Variants in CMTR2 observed in about 807,000 individuals in gnomAD.
The protein encoded by CMTR2 is cap-specific mRNA (nucleoside-2'-O-)-methyltransferase 2.
CMTR2 carries 40 observed loss-of-function variants against 49.8 expected under a neutral mutation model. That is an observed-to-expected ratio of 0.80 (90% CI 0.62 to 1.04). The LOEUF is 1.04. Ranked by LOEUF, CMTR2 falls within the 50% of genes least tolerant of loss-of-function variation. CMTR2 has a pLI of 0.00. For missense variants in CMTR2, 907 were observed against 897.2 expected (o/e 1.01, Z -0.14); for synonymous variants, 326 against 315.8 (o/e 1.03, Z -0.34).
intron 2 of CMTR2, chr16:71,288,116 TACTC>T (rs2041761549): frequency 6.6e-6 from 1 of 152,232 alleles, no homozygotes; most frequent in Non-Finnish European, 1.5e-5. Context: ...ACTACTCCCT[TACTC>T]ACTACTCCAG....
rs1420049580 is a variant in CMTR2, at chr16:71,283,904, A to C, written c.2017T>G (p.Cys673Gly). The stretch of plus-strand genomic sequence containing the variant: ...CTCAGGGGATCAGAGGATGTGGGAC[A>C]AACAAAAGTGATGAATCTAAAACAA... ...HSCFRFITFV[C>G]PTSSDPLRTC... The change falls in exon 3 of 3, where the codon TGT (cysteine) becomes GGT (glycine). Residue 673 changes from cysteine to glycine, a missense_variant. Transcript: ENST00000434935. 3 of 1,614,082 alleles carry C rather than the reference A, an allele frequency of 1.9e-6. No homozygotes were observed. The highest frequency in any genetic ancestry group is 2.5e-6 in the Non-Finnish European group (3 of 1,179,942).
At position 71,283,050 on chromosome 16, in the gene CMTR2, A is replaced by T. The variant is rs182242349; in HGVS notation, c.*558T>A. ...CAATCACCTAAGGGCAATGAATGGC[A>T]TGTTATCAAGAATCTGGCGAGATGA... On this transcript the variant is annotated 3_prime_UTR_variant, in exon 3 of 3. Coordinates refer to ENST00000434935, the MANE Select transcript of CMTR2 (RefSeq NM_018348.6). The T allele has an allele frequency of 1.4e-4, 22 of 152,940 alleles. No individual in the cohort carries two copies. The highest frequency in any genetic ancestry group is 5.1e-4 in the African/African-American group (21 of 41,566). 9.5% of individuals were successfully genotyped at this position (152,940 alleles called of 1,614,324 possible). A position where few individuals can be genotyped will look rare whatever the true frequency, so the allele number is the denominator to read the frequency against.
chr16:71,283,771 G>C lies in CMTR2; in HGVS notation c.2150C>G (p.Ser717Ter). ...ELLSTLLNSD[S>*]PQQVLQFVPM... is the part of the protein sequence containing the mutation. The stretch of plus-strand genomic sequence containing the variant: ...CACAAACTGTAAAACCTGCTGGGGT[G>C]AGTCAGAGTTGAGCAAAGTGCTCAA... The change falls in exon 3 of 3, where the codon TCA (serine) becomes TGA (stop). Residue 717 changes from serine to a stop codon, truncating the protein, a stop_gained. Coordinates refer to ENST00000434935, the MANE Select transcript of CMTR2 (RefSeq NM_018348.6). LOFTEE classifies it high-confidence loss of function. The C allele has an allele frequency of 3.7e-6, 6 of 1,613,954 alleles. No homozygotes were observed. The highest frequency in any genetic ancestry group is 4.2e-6 in the Non-Finnish European group (5 of 1,179,900).
At position 71,284,027 on chromosome 16, in the gene CMTR2, G is replaced by A; in HGVS notation, c.1894C>T (p.His632Tyr). 6.2e-7 allele frequency: 1 copy of A among 1,614,016 alleles called. No individual in the cohort carries two copies. Among genetic ancestry groups the A allele is most frequent in the Non-Finnish European group, 8.5e-7 (1 of 1,179,906 alleles). The change falls in exon 3 of 3, where the codon CAT becomes TAT. Residue 632 changes from histidine (H) to tyrosine (Y), a missense_variant. By Grantham distance (83) the His-to-Tyr change is moderately conservative (BLOSUM62 2). Transcript: ENST00000434935. ...CCTGTATGAAGCTCCCGCAATGAAT[G>A]TAGAAGGCAGTCCAAAAATAAACGC... ...YQRLFLDCLLHSLRELHTGDV... is the reference protein window; with the variant it reads ...YQRLFLDCLLYSLRELHTGDV...
chr16:71,283,782 G>C lies in CMTR2; in HGVS notation c.2139C>G (p.Leu713=), dbSNP rs1016680975. The C allele has an allele frequency of 1.7e-5, 28 of 1,613,864 alleles. No individual in the cohort carries two copies. Among genetic ancestry groups the C allele is most frequent in the Non-Finnish European group, 8.5e-7 (1 of 1,179,944 alleles). ...AAACCTGCTGGGGTGAGTCAGAGTT[G>C]AGCAAAGTGCTCAACAATTCATTCA... is the stretch of plus-strand genomic sequence containing the variant. ...QSVNELLSTL[L]NSDSPQQVLQ... is the part of the protein sequence containing the mutation. Residue 713 remains leucine, a synonymous_variant, in exon 3 of 3, where the codon CTC becomes CTG. Coordinates refer to ENST00000434935, the MANE Select transcript of CMTR2 (RefSeq NM_018348.6).
chr16:71,287,883 T>C (rs2041757138), intron 2 of CMTR2: 1 of 152,224 alleles, frequency 6.6e-6, no homozygotes, highest in Non-Finnish European at 1.5e-5. Flanking sequence ...ATTCGCATTG[T>C]GCTTGCTGGA....
upstream of CMTR2, chr16:71,289,524 G>A (rs2041800383): frequency 6.6e-6 from 1 of 152,122 alleles, no homozygotes; most frequent in Admixed American, 6.5e-5. Flanking sequence ...GCGGAGTACA[G>A]AAGCTGGGAG....
At position 71,283,443 on chromosome 16, in the gene CMTR2, C is replaced by A. The variant is rs1003240167; in HGVS notation, c.*165G>T. On this transcript the variant is annotated 3_prime_UTR_variant, in exon 3 of 3. Coordinates refer to ENST00000434935, the MANE Select transcript of CMTR2 (RefSeq NM_018348.6). ...AGCTCTATGCCTGTGGGTGTATATACCCTAGAGATCAGAATGGATGGTTTT... is the reference window on the plus strand; with the variant it reads ...AGCTCTATGCCTGTGGGTGTATATAACCTAGAGATCAGAATGGATGGTTTT... The A allele has an allele frequency of 5.2e-6, 4 of 762,316 alleles. No homozygotes were observed. Among genetic ancestry groups the A allele is most frequent in the Non-Finnish European group, 8.3e-6 (4 of 479,840 alleles). 47.2% of individuals were successfully genotyped at this position (762,316 alleles called of 1,614,324 possible). A position where few individuals can be genotyped will look rare whatever the true frequency, so the allele number is the denominator to read the frequency against.
rs1424827560 is a variant in CMTR2, at chr16:71,284,929, G to C, written c.992C>G (p.Ser331Cys). 6.2e-7 allele frequency: 1 copy of C among 1,614,128 alleles called. No homozygotes were observed. Among genetic ancestry groups the C allele is most frequent in the Middle Eastern group, 1.6e-4 (1 of 6,062 alleles). ...KGREAIHPLLSKMTLNFGTEM... is the reference protein window; with the variant it reads ...KGREAIHPLLCKMTLNFGTEM... Reference sequence around the variant, plus strand: ...AGTCCCAAAATTCAAGGTCATCTTAGATAACAGAGGATGGATGGCCTCTCT... The same window carrying C: ...AGTCCCAAAATTCAAGGTCATCTTACATAACAGAGGATGGATGGCCTCTCT... Residue 331 changes from serine to cysteine, a missense_variant, in exon 3 of 3, where the codon TCT (serine) becomes TGT (cysteine). Ser to Cys is a moderately radical substitution (Grantham distance 112). Coordinates refer to ENST00000434935, the MANE Select transcript of CMTR2 (RefSeq NM_018348.6).
Position 71,284,588 on chromosome 16 carries a change from TATAAGTTTTAAA to T in CMTR2, c.1321_1332del (p.Phe441_Tyr444del). Reference sequence around the variant, plus strand: ...AGGGCTTCTAGCATCTTCCTTTCATTATAAGTTTTAAAATATTTGTTCCTCTGCCCAAACCAT... The same window carrying T: ...AGGGCTTCTAGCATCTTCCTTTCATTATATTTGTTCCTCTGCCCAAACCAT... On this transcript the variant is annotated inframe_deletion, in exon 3 of 3. Transcript: ENST00000434935. The T allele has an allele frequency of 6.2e-7, 1 of 1,613,742 alleles. No individual in the cohort carries two copies. Among genetic ancestry groups the T allele is most frequent in the African/African-American group, 1.3e-5 (1 of 75,034 alleles).
At position 71,285,372 on chromosome 16, in the gene CMTR2, G is replaced by A. The variant is rs2041703451; in HGVS notation, c.549C>T (p.Asp183=). The change falls in exon 3 of 3, where the codon GAC becomes GAT. Residue 183 remains aspartate (D), a synonymous_variant. Coordinates refer to ENST00000434935, the MANE Select transcript of CMTR2 (RefSeq NM_018348.6). ...GCCGGTCATCCATAATCATCATGAG[G>A]TCGTCATTTGCTTCATGGTATGGAT... The part of the protein sequence containing the change: ...TLNPYHEAND[D]LMMIMDDRLI... 2 of 1,614,020 alleles carry A rather than the reference G, an allele frequency of 1.2e-6. No homozygotes were observed. The highest frequency in any genetic ancestry group is 1.1e-5 in the South Asian group (1 of 91,086).
chr16:71,287,840 T>C (rs2041756108), intron 2 of CMTR2: 1 of 152,226 alleles, frequency 6.6e-6, no homozygotes, highest in Admixed American at 6.5e-5. Context: ...TAAGGGCATA[T>C]AAAAGTTTTT....
At chr16:71,288,988 C>T (rs892691147) in intron 1 of CMTR2, 51 bp from the exon 2 acceptor site, 1 of 152,190 alleles carries the variant, frequency 6.6e-6, no homozygotes, top group African/African-American at 2.4e-5. Context: ...GGGCCGGGCA[C>T]CCCATATCTC....
rs745991071 is a variant in CMTR2, at chr16:71,281,816, A to C, written c.*1792T>G. On this transcript the variant is annotated 3_prime_UTR_variant, in exon 3 of 3. Coordinates refer to ENST00000434935, the MANE Select transcript of CMTR2 (RefSeq NM_018348.6). ...TTTGAAGGGCTTAAAGACAGTAATA[A>C]TGCTAGAATCTGGACCCATGCCTTC... is the stretch of plus-strand genomic sequence containing the variant. The C allele has an allele frequency of 2.0e-5, 3 of 152,064 alleles. No homozygotes were observed. Among genetic ancestry groups the C allele is most frequent in the Non-Finnish European group, 4.4e-5 (3 of 67,890 alleles). 9.4% of individuals were successfully genotyped at this position (152,064 alleles called of 1,614,324 possible). A position where few individuals can be genotyped will look rare whatever the true frequency, so the allele number is the denominator to read the frequency against.
In CMTR2 at chr16:71,281,456, T is replaced by C. The variant is rs2041610065; in HGVS notation, c.*2152A>G. ...TCTCAAAACCTGTGGAAAAAAGTTT[T>C]TAAGAACAGTCTACCTTGGTAAAAC... On this transcript the variant is annotated 3_prime_UTR_variant, in exon 3 of 3. Coordinates refer to ENST00000434935, the MANE Select transcript of CMTR2 (RefSeq NM_018348.6). 6.6e-6 allele frequency: 1 copy of C among 151,992 alleles called. No individual in the cohort carries two copies. The highest frequency in any genetic ancestry group is 1.5e-5 in the Non-Finnish European group (1 of 67,838). 9.4% of individuals were successfully genotyped at this position (151,992 alleles called of 1,614,324 possible).
chr16:71,285,957 ATAAT>A lies in CMTR2; in HGVS notation c.-19-22_-19-19del, dbSNP rs749459132. ...ATTAAAATCTAGGAAGAGAAAACAC[ATAAT>A]TAAATGAATCAAATTTATTAGTGAG... On this transcript the variant is annotated intron_variant, in intron 2 of 2. Transcript: ENST00000434935. The A allele has an allele frequency of 5.1e-5, 78 of 1,514,854 alleles. No homozygotes were observed. The highest frequency in any genetic ancestry group is 6.4e-5 in the Non-Finnish European group (72 of 1,130,470). 93.8% of individuals were successfully genotyped at this position (1,514,854 alleles called of 1,614,324 possible).
chr16:71,285,980 T>C, intron 2 of CMTR2, 41 bp from the exon 3 acceptor site: 3 of 1,450,680 alleles, frequency 2.1e-6, no homozygotes, highest in South Asian at 1.4e-5. Context: ...TCAAATTTAT[T>C]AGTGAGCGAA....
intron 2 of CMTR2, 43 bp from the exon 3 acceptor site, chr16:71,285,982 G>A (rs943723625): frequency 2.6e-5 from 38 of 1,443,218 alleles, no homozygotes; most frequent in Admixed American, 7.1e-5. Flanking sequence ...AAATTTATTA[G>A]TGAGCGAAAT....
chr16:71,284,776 A>C lies in CMTR2; in HGVS notation c.1145T>G (p.Phe382Cys). 1 of 1,613,850 alleles carries C rather than the reference A, an allele frequency of 6.2e-7. No homozygotes were observed. The highest frequency in any genetic ancestry group is 8.5e-7 in the Non-Finnish European group (1 of 1,179,948). Reference protein sequence around the residue: ...LETISENIRLFECMGKAEQEK... With the variant: ...LETISENIRLCECMGKAEQEK... ...TTGTTCCGCCTTTCCCATGCACTCA[A>C]ATAGACGAATGTTTTCAGAAATAGT... Residue 382 changes from phenylalanine (F) to cysteine (C), a missense_variant, in exon 3 of 3, where the codon TTT (phenylalanine) becomes TGT (cysteine). Coordinates refer to ENST00000434935, the MANE Select transcript of CMTR2 (RefSeq NM_018348.6).
Sources: allele counts gnomAD v4.1 joint callset, GRCh38; gene constraint gnomAD v4.1.1; transcripts MANE v1.5; gene names NCBI Gene and HGNC (gene_info 2026-07-23, HGNC 2026-07-21).